WTIP: variants seen among roughly 807,000 people sequenced by gnomAD.
The protein encoded by WTIP is WT1 interacting protein.
Under a neutral mutation model 41.7 loss-of-function variants are expected in WTIP, and 23 were observed. The ratio of observed to expected loss-of-function variants is 0.55; its 90% CI spans 0.40 to 0.78. WTIP has a LOEUF of 0.78. WTIP is among the 30% of genes least tolerant of loss of function. WTIP has a pLI of 0.00. For missense variants in WTIP, 619 were observed against 610.5 expected, an observed-to-expected ratio of 1.01 and a Z score of -0.15; for synonymous variants, 314 against 269.9, an observed-to-expected ratio of 1.16 and a Z score of -1.60.
At position 34,496,165 on chromosome 19, in the gene WTIP, A is replaced by T. The variant is rs932173738; in HGVS notation, c.1152+394A>T. Among the ~76,000 whole-genome samples, 10 of 151,848 alleles carry T rather than the reference A, an allele frequency of 6.6e-5. No individual in the cohort carries two copies. In the East Asian group the frequency reaches 7.8e-4, roughly 12 times the overall value. On this transcript the variant is annotated intron_variant, in intron 7 of 7. Transcript: ENST00000590071. ...AGAGTGAGACTCTGTCTCAAAAAAA[A>T]TTTTTTTTTAAAATTTTTATTTATT...
At chr19:34,485,934 TC>T (rs1383177933) in intron 1 of WTIP, among the ~76,000 whole-genome samples, 5 of 152,132 alleles carry the variant, frequency 3.3e-5, no homozygotes, top group Admixed American at 1.3e-4. Flanking sequence ...TCTCTTCCTG[TC>T]CTTGGCCCTG....
chr19:34,492,663 T>C (rs570487534), intron 2 of WTIP, among the ~76,000 whole-genome samples: 5 of 139,080 alleles, frequency 3.6e-5, no homozygotes, highest in Admixed American at 7.6e-5. Flanking sequence ...CACTCCAGCC[T>C]GGGCGACACA....
At chr19:34,483,599 G>T (rs1016018491) in intron 1 of WTIP, among the ~76,000 whole-genome samples, 9 of 152,218 alleles carry the variant, frequency 5.9e-5, no homozygotes, top group African/African-American at 2.2e-4. Flanking sequence ...CCCGGACTGT[G>T]CTGTGGACAT....
chr19:34,489,318 G>A (rs1324667588), intron 1 of WTIP, among the ~76,000 whole-genome samples: 1 of 152,084 alleles, frequency 6.6e-6, no homozygotes, highest in Admixed American at 6.6e-5. Flanking sequence ...TGAAGGTGGG[G>A]ACCTGGGTGC....
intron 1 of WTIP, among the ~76,000 whole-genome samples, chr19:34,485,610 T>C (rs868151939): frequency 1.1e-4 from 17 of 151,898 alleles, no homozygotes; most frequent in African/African-American, 3.6e-4. Context: ...TTTTTTTTTT[T>C]AGAGACAGGG....
At position 34,507,658 on chromosome 19, in the gene WTIP, A is replaced by T. The variant is rs2075918106; in HGVS notation, c.*7389A>T. The T allele has an allele frequency of 6.6e-6, 1 of 152,232 alleles. No homozygotes were observed. The highest frequency in any genetic ancestry group is 1.5e-5 in the Non-Finnish European group (1 of 68,068). 9.4% of individuals were successfully genotyped at this position (152,232 alleles called of 1,614,324 possible). A position where few individuals can be genotyped will look rare whatever the true frequency, so the allele number is the denominator to read the frequency against. On this transcript the variant is annotated 3_prime_UTR_variant, in exon 8 of 8. Transcript: ENST00000590071. ...CCTGATGTCTGGGACAGTGCTTGTC[A>T]GTGGATGGGCTTTTGCATAGGGGGA...
chr19:34,499,368 C>T (rs1174469063), intron 7 of WTIP, among the ~76,000 whole-genome samples: 2 of 151,508 alleles, frequency 1.3e-5, no homozygotes, highest in Non-Finnish European at 2.9e-5. Flanking sequence ...ATTCACAGGG[C>T]GTGGCAGGGT....
At chr19:34,492,281 A>C (rs1354257663) in intron 2 of WTIP, among the ~76,000 whole-genome samples, 1 of 140,934 alleles carries the variant, frequency 7.1e-6, no homozygotes, top group Admixed American at 7.1e-5. Flanking sequence ...CGACTGGCTA[A>C]TTTTTTTTTT....
chr19:34,482,768 G>C, intron 1 of WTIP, 127 bp downstream of exon 1: 3 of 1,200,540 alleles, frequency 2.5e-6, no homozygotes, highest in Non-Finnish European at 3.1e-6. Flanking sequence ...AGCAGTGCAC[G>C]GGGTTGGGAC....
chr19:34,483,750 G>A (rs1428687425), intron 1 of WTIP, among the ~76,000 whole-genome samples: 7 of 152,126 alleles, frequency 4.6e-5, no homozygotes, highest in Non-Finnish European at 2.9e-5. Flanking sequence ...GAGCGGGGCA[G>A]AGGTATACTG....
Position 34,493,215 on chromosome 19 carries a change from G to A in WTIP, c.838-48G>A, listed in dbSNP as rs1020359686. On this transcript the variant is annotated intron_variant, in intron 3 of 7. Transcript: ENST00000590071. This position sits in a 1 kb window ranked among gnomAD's most constrained non-coding sequence, Gnocchi z 4.1. ...AGGAGGCAGGTGCTAGCTGGGCCGCGAGTGCCCCTTTGTCACACAATGTCC... is the reference window on the plus strand; with the variant it reads ...AGGAGGCAGGTGCTAGCTGGGCCGCAAGTGCCCCTTTGTCACACAATGTCC... 13 of 1,612,950 alleles carry A rather than the reference G, an allele frequency of 8.1e-6. No homozygotes were observed. The highest frequency in any genetic ancestry group is 4.5e-5 in the East Asian group (2 of 44,874).
rs1048400368 is a variant in WTIP, at chr19:34,493,610, G to A, written c.1019G>A (p.Arg340Gln). Residue 340 changes from arginine (R) to glutamine (Q), a missense_variant, in exon 5 of 8, where the codon CGA (arginine) becomes CAA (glutamine). Arg to Gln is a conservative substitution (Grantham distance 43, BLOSUM62 1). Transcript: ENST00000590071. The surrounding 1 kb of genome is among the most constrained non-coding windows in gnomAD (Gnocchi z 4.1). ...VDVENNIYCVRDYHTVFAPKC... is the reference protein window; with the variant it reads ...VDVENNIYCVQDYHTVFAPKC... ...GTGGAGAACAACATCTACTGCGTGC[G>A]AGACTATCACACGTGAGTTGCTGGT... 6.8e-6 allele frequency: 11 copies of A among 1,613,316 alleles called. No individual in the cohort carries two copies. Among genetic ancestry groups the A allele is most frequent in the African/African-American group, 2.7e-5 (2 of 74,920 alleles).
At position 34,500,216 on chromosome 19, in the gene WTIP, C is replaced by T. The variant is rs754011694; in HGVS notation, c.1240C>T (p.Arg414Cys). Reference protein sequence around the residue: ...HLLCRRCHLRRLQPGPLPSPT... With the variant: ...HLLCRRCHLRCLQPGPLPSPT... ...ACTGTGTCGTCGTTGCCACCTGCGGCGCCTCCAACCTGGGCCTCTTCCCTC... is the reference window on the plus strand; with the variant it reads ...ACTGTGTCGTCGTTGCCACCTGCGGTGCCTCCAACCTGGGCCTCTTCCCTC... Residue 414 changes from arginine to cysteine, a missense_variant, in exon 8 of 8, where the codon CGC becomes TGC. Transcript: ENST00000590071. 172 of 1,606,794 alleles carry T rather than the reference C, an allele frequency of 1.1e-4. No homozygotes were observed. The highest frequency in any genetic ancestry group is 1.4e-4 in the Non-Finnish European group (164 of 1,179,572).
intron 7 of WTIP, among the ~76,000 whole-genome samples, chr19:34,498,036 T>C (rs1490106948): frequency 6.6e-6 from 1 of 152,100 alleles, no homozygotes; most frequent in East Asian, 1.9e-4. Context: ...TGGCCTGGTG[T>C]GCAGCGGTCG....
At position 34,508,048 on chromosome 19, in the gene WTIP, C is replaced by T. The variant is rs896060113; in HGVS notation, c.*7779C>T. On this transcript the variant is annotated 3_prime_UTR_variant, in exon 8 of 8. Coordinates refer to ENST00000590071, the MANE Select transcript of WTIP (RefSeq NM_001080436.2). ...AATCTCAGGTCCTCTAAGGATCCCT[C>T]CTCATTCTCTGTTAGTGTGAGGTGG... The T allele has an allele frequency of 7.2e-5, 11 of 152,152 alleles. No homozygotes were observed. The highest frequency in any genetic ancestry group is 2.7e-4 in the African/African-American group (11 of 41,420). 9.4% of individuals were successfully genotyped at this position (152,152 alleles called of 1,614,324 possible).
At chr19:34,497,636 C>T (rs777515322) in intron 7 of WTIP, among the ~76,000 whole-genome samples, 1 of 152,120 alleles carries the variant, frequency 6.6e-6, no homozygotes, top group Non-Finnish European at 1.5e-5. Flanking sequence ...AGGAGGCTGC[C>T]GGCGACCGCG....
chr19:34,490,869 T>A (rs1423327781), intron 2 of WTIP, among the ~76,000 whole-genome samples: 1 of 152,232 alleles, frequency 6.6e-6, no homozygotes, highest in African/African-American at 2.4e-5. Context: ...TTGCCCACGC[T>A]GGAGTGCAGT....
rs879155643 is a variant in WTIP at position 34,493,463 on chromosome 19, G to A, written c.901-29G>A. ...GGGCGGTGCTGAGCCTCCTGCCCGC[G>A]CTGACCCCTCAGTGTGCCCCGCCCA... On this transcript the variant is annotated intron_variant, in intron 4 of 7. Coordinates refer to ENST00000590071, the MANE Select transcript of WTIP (RefSeq NM_001080436.2). The surrounding 1 kb of genome is among the most constrained non-coding windows in gnomAD (Gnocchi z 4.1). 3.1e-6 allele frequency: 5 copies of A among 1,611,772 alleles called. No individual in the cohort carries two copies. The highest frequency in any genetic ancestry group is 1.3e-5 in the African/African-American group (1 of 74,866).
chr19:34,493,337 C>T lies in WTIP; in HGVS notation c.900+12C>T. 1 of 1,611,050 alleles carries T rather than the reference C, an allele frequency of 6.2e-7. No individual in the cohort carries two copies. The highest frequency in any genetic ancestry group is 1.7e-5 in the Admixed American group (1 of 59,572). ...TCATCATGGAAATGGTGAGCCCCTG[C>T]CCCAGCCTCCTGGAGCCCCTCTGAC... On this transcript the variant is annotated intron_variant, in intron 4 of 7. Coordinates refer to ENST00000590071, the MANE Select transcript of WTIP (RefSeq NM_001080436.2). This position sits in a 1 kb window ranked among gnomAD's most constrained non-coding sequence, Gnocchi z 4.1.
Sources: gnomAD v4.1 joint callset for allele counts (sites outside exome capture counted in the v4.1 genomes callset) on GRCh38, gnomAD v4.1.1 for gene constraint, Gnocchi (gnomAD v3.1) non-coding constraint, MANE v1.5 for transcripts, NCBI Gene and HGNC (gene_info 2026-07-23, HGNC 2026-07-21) for gene names.